Variants in RIT2 observed in about 807,000 individuals in gnomAD.
The protein encoded by RIT2 is Ras like without CAAX 2, also known as GTP-binding protein Rit2.
A neutral mutation model predicts 23.7 loss-of-function variants in RIT2; 24 were observed. That is an observed-to-expected ratio of 1.01 (90% CI 0.73 to 1.43). The LOEUF is 1.43. RIT2 is among the 40% of genes most tolerant of loss of function. The probability of loss-of-function intolerance (pLI) is 0.00; values close to 1 mark genes in which losing one functional copy is unlikely to be tolerated. For synonymous variants in RIT2, 107 were observed against 91.1 expected, an observed-to-expected ratio of 1.17 and a Z score of -0.99; for missense variants, 236 against 266.9, an observed-to-expected ratio of 0.88 and a Z score of 0.81.
intron 4 of RIT2, among the ~76,000 whole-genome samples, chr18:42,806,463 C>T (rs1365850221): frequency 1.3e-5 from 2 of 151,634 alleles, no homozygotes; most frequent in South Asian, 2.1e-4. Flanking sequence ...GAGTGAGACT[C>T]GGTCTCAAAA....
chr18:42,813,838 G>T (rs1040129463), intron 4 of RIT2, among the ~76,000 whole-genome samples: 3 of 152,190 alleles, frequency 2.0e-5, no homozygotes, highest in African/African-American at 7.2e-5. Flanking sequence ...ACCCACAGAC[G>T]CTCTGAAGGA....
intron 3 of RIT2, among the ~76,000 whole-genome samples, chr18:42,932,923 C>T (rs1230320227): frequency 6.6e-6 from 1 of 151,908 alleles, no homozygotes; most frequent in Admixed American, 6.6e-5. Flanking sequence ...ATTTTCATCA[C>T]TTATGAACTT....
rs1252189462 is a variant in RIT2 at position 42,973,859 on chromosome 18, A to ATATTG, written c.234+214_234+215insCAATA. Among the ~76,000 whole-genome samples the ATATTG allele has an allele frequency of 6.0e-3, 917 of 152,004 alleles. 3 individuals are homozygous for ATATTG. The highest frequency in any genetic ancestry group is 0.021 in the African/African-American group (861 of 41,508). ...TTTATAATTTAATTGGCAATATAAC[A>ATATTG]CCTATATGGACTCTTTTATTTTTAG... On this transcript the variant is annotated intron_variant, in intron 3 of 4. Transcript: ENST00000326695.
At chr18:42,937,461 C>T (rs1042235455) in intron 3 of RIT2, among the ~76,000 whole-genome samples, 17 of 152,028 alleles carry the variant, frequency 1.1e-4, no homozygotes, top group Admixed American at 2.0e-4. Flanking sequence ...AGAGGTACAG[C>T]GGAGAAGGTG....
intron 4 of RIT2, among the ~76,000 whole-genome samples, chr18:42,879,907 C>T (rs1907842303): frequency 6.6e-6 from 1 of 152,146 alleles, no homozygotes; most frequent in Admixed American, 6.5e-5. Context: ...ATTACATGCT[C>T]ATAGGCTACT....
rs550960408 is a variant in RIT2 at position 43,000,028 on chromosome 18, A to C, written c.161-25881T>G. Among the ~76,000 whole-genome samples, 12 of 152,188 alleles carry C rather than the reference A, an allele frequency of 7.9e-5. No homozygotes were observed. In the South Asian group the frequency reaches 2.3e-3, roughly 29 times the overall value. ...TTTTAAAATTCTAAGAAAATGTATAAATGACAGTTTGAACCATCACCACAC... is the reference window on the plus strand; with the variant it reads ...TTTTAAAATTCTAAGAAAATGTATACATGACAGTTTGAACCATCACCACAC... On this transcript the variant is annotated intron_variant, in intron 2 of 4. Coordinates refer to ENST00000326695, the MANE Select transcript of RIT2 (RefSeq NM_002930.4).
chr18:42,787,200 A>G (rs992082268), intron 4 of RIT2, among the ~76,000 whole-genome samples: 1 of 136,302 alleles, frequency 7.3e-6, no homozygotes, highest in African/African-American at 2.8e-5. Context: ...TCATTGTTCA[A>G]TTCCCACCTA....
intron 1 of RIT2, among the ~76,000 whole-genome samples, chr18:43,077,103 A>AAAAAAG (rs1491097171): frequency 6.5e-5 from 3 of 46,334 alleles, no homozygotes; most frequent in African/African-American, 2.4e-4. Flanking sequence ...ACTCCGTCTC[A>AAAAAAG]AAAAAAAAAA....
At chr18:42,925,102 T>C (rs1909148089) in intron 3 of RIT2, among the ~76,000 whole-genome samples, 1 of 152,086 alleles carries the variant, frequency 6.6e-6, no homozygotes, top group Non-Finnish European at 1.5e-5. Flanking sequence ...AAAAAACTCA[T>C]GTTACCTGAC....
chr18:42,771,052 C>T (rs560931125), intron 4 of RIT2, among the ~76,000 whole-genome samples: 1 of 152,262 alleles, frequency 6.6e-6, no homozygotes, highest in Non-Finnish European at 1.5e-5. Context: ...GATTCCCACT[C>T]ATTTACATTT....
chr18:42,849,825 C>T (rs970187361), intron 4 of RIT2, among the ~76,000 whole-genome samples: 1 of 152,054 alleles, frequency 6.6e-6, no homozygotes, highest in African/African-American at 2.4e-5. Flanking sequence ...GCAGGAAAAC[C>T]CTAGGGAGCT....
chr18:42,987,693 T>C (rs948430424), intron 2 of RIT2, among the ~76,000 whole-genome samples: 5 of 152,202 alleles, frequency 3.3e-5, no homozygotes, highest in Non-Finnish European at 7.3e-5. Context: ...AAATAATACC[T>C]GAGGCTGGGT....
chr18:42,816,307 A>G (rs915095566), intron 4 of RIT2, among the ~76,000 whole-genome samples: 1 of 152,076 alleles, frequency 6.6e-6, no homozygotes, highest in African/African-American at 2.4e-5. Flanking sequence ...GTGGGAGCCA[A>G]CTCTAACACA....
At chr18:42,967,536 A>ATTTTTTTTTTTTTT (rs397940927) in intron 3 of RIT2, among the ~76,000 whole-genome samples, 2 of 80,756 alleles carry the variant, frequency 2.5e-5, no homozygotes, top group African/African-American at 1.1e-4. Context: ...CGCCCGGCTA[A>ATTTTTTTTTTTTTT]TTTTTTTTTT....
At chr18:42,993,678 A>G (rs531574948) in intron 2 of RIT2, among the ~76,000 whole-genome samples, 1 of 152,018 alleles carries the variant, frequency 6.6e-6, no homozygotes, top group Admixed American at 6.6e-5. Context: ...TTCCCTGACT[A>G]TTCCTGGGCT....
intron 4 of RIT2, among the ~76,000 whole-genome samples, chr18:42,748,070 A>T (rs564160647): frequency 6.6e-6 from 1 of 152,304 alleles, no homozygotes; most frequent in South Asian, 2.1e-4. Context: ...GTTTCTGCAC[A>T]TCAAAATAAA....
At chr18:42,781,363 C>T (rs1047587550) in intron 4 of RIT2, among the ~76,000 whole-genome samples, 3 of 152,130 alleles carry the variant, frequency 2.0e-5, no homozygotes, top group African/African-American at 7.2e-5. Context: ...TTGATAAATG[C>T]TTTTCTTCAT....
intron 1 of RIT2, among the ~76,000 whole-genome samples, chr18:43,048,694 T>A (rs1378107218): frequency 1.3e-5 from 2 of 152,210 alleles, no homozygotes; most frequent in African/African-American, 4.8e-5. Context: ...TGATTTGTCT[T>A]TTTCAATGTT....
At chr18:43,098,877 T>C (rs755588015) in intron 1 of RIT2, among the ~76,000 whole-genome samples, 1 of 151,914 alleles carries the variant, frequency 6.6e-6, no homozygotes, top group Non-Finnish European at 1.5e-5. Flanking sequence ...TTTAAGCACA[T>C]ACTATACGAA....
Sources: gnomAD v4.1 joint callset for allele counts (sites outside exome capture counted in the v4.1 genomes callset) on GRCh38, gnomAD v4.1.1 for gene constraint, MANE v1.5 for transcripts, NCBI Gene and HGNC (gene_info 2026-07-23, HGNC 2026-07-21) for gene names.